Variants in CSMD3 observed in about 807,000 individuals in gnomAD.
The protein encoded by CSMD3 is CUB and Sushi multiple domains 3, also known as CUB and sushi domain-containing protein 3.
Under a neutral mutation model 435.2 loss-of-function variants are expected in CSMD3, and 177 were observed. The observed-to-expected ratio is 0.41, with a 90% CI of 0.36 to 0.46. The LOEUF (loss-of-function observed/expected upper bound fraction) is 0.46, where lower values mean the gene tolerates loss of function less well. CSMD3 is among the 20% of genes least tolerant of loss of function. The pLI is 0.34. For synonymous variants in CSMD3, 1,656 were observed against 1,520.5 expected (o/e 1.09, Z -2.07); for missense variants, 4,265 against 4,504.6 (o/e 0.95, Z 1.52).
chr8:112,434,706 G>C (rs1814119625), intron 32 of CSMD3, among the ~76,000 whole-genome samples: 1 of 151,982 alleles, frequency 6.6e-6, no homozygotes, highest in South Asian at 2.1e-4. Flanking sequence ...CCCTAGAAAG[G>C]AACCATCAAT....
At chr8:113,144,569 T>C (rs914365723) in intron 4 of CSMD3, among the ~76,000 whole-genome samples, 16 of 151,604 alleles carry the variant, frequency 1.1e-4, no homozygotes, top group African/African-American at 3.4e-4. Context: ...GTTAATTATG[T>C]TCATTATCCA....
chr8:113,346,709 G>C (rs750324296), intron 1 of CSMD3, among the ~76,000 whole-genome samples: 2 of 151,776 alleles, frequency 1.3e-5, no homozygotes, highest in Non-Finnish European at 2.9e-5. Flanking sequence ...AAATATCTGA[G>C]AGAAATACAC....
chr8:112,465,717 G>A (rs2130709526), intron 32 of CSMD3, among the ~76,000 whole-genome samples: 1 of 152,212 alleles, frequency 6.6e-6, no homozygotes, highest in Non-Finnish European at 1.5e-5. Flanking sequence ...GTTCACACAT[G>A]TAATCCCAGC....
chr8:112,880,081 A>G (rs898639898), intron 10 of CSMD3, among the ~76,000 whole-genome samples: 24 of 152,212 alleles, frequency 1.6e-4, no homozygotes, highest in African/African-American at 5.8e-4. Flanking sequence ...AAAAAATTAA[A>G]TATACCAAAA....
chr8:112,887,702 G>A (rs1187225271), intron 10 of CSMD3, among the ~76,000 whole-genome samples: 1 of 150,042 alleles, frequency 6.7e-6, no homozygotes, highest in Middle Eastern at 3.2e-3. Context: ...AAGAATAAAT[G>A]GTTGATTACT....
intron 2 of CSMD3, among the ~76,000 whole-genome samples, chr8:113,281,258 G>A (rs1391706911): frequency 4.0e-5 from 6 of 151,600 alleles, no homozygotes; most frequent in Non-Finnish European, 7.4e-5. Context: ...TAGTACTGTC[G>A]GTGGAGTGTT....
At chr8:112,344,903 T>C (rs1265256259) in intron 41 of CSMD3, among the ~76,000 whole-genome samples, 1 of 152,024 alleles carries the variant, frequency 6.6e-6, no homozygotes, top group Non-Finnish European at 1.5e-5. Flanking sequence ...GCAAAGAAAA[T>C]GGGATGAATT....
At chr8:112,239,305 A>T (rs1340658161) in intron 66 of CSMD3, among the ~76,000 whole-genome samples, 1 of 151,866 alleles carries the variant, frequency 6.6e-6, no homozygotes, top group African/African-American at 2.4e-5. Flanking sequence ...ATTCAGCTAA[A>T]CTTTTCCTTT....
At chr8:112,370,163 T>A (rs12676507) in intron 38 of CSMD3, among the ~76,000 whole-genome samples, 2 of 151,330 alleles carry the variant, frequency 1.3e-5, no homozygotes, top group African/African-American at 2.4e-5. Flanking sequence ...TACAAAGTGA[T>A]CATCTTCATC....
chr8:112,418,373 TA>T lies in CSMD3; in HGVS notation c.5396-9342del, dbSNP rs1378261750. On this transcript the variant is annotated intron_variant, in intron 32 of 70. Coordinates refer to ENST00000297405, the MANE Select transcript of CSMD3 (RefSeq NM_198123.2). ...ATATGAATATTTTAAGACAAAATAT[TA>T]GACATTTTCATGAATGCAAAATGCT... Among the ~76,000 whole-genome samples, 6 of 152,202 alleles carry T rather than the reference TA, an allele frequency of 3.9e-5. No homozygotes were observed. In the East Asian group the frequency reaches 5.8e-4, roughly 15 times the overall value.
chr8:113,262,441 A>G (rs539882876), intron 3 of CSMD3, among the ~76,000 whole-genome samples: 1 of 152,164 alleles, frequency 6.6e-6, no homozygotes, highest in East Asian at 1.9e-4. Context: ...TGGCTCCAAG[A>G]TTTCCACTCC....
intron 27 of CSMD3, among the ~76,000 whole-genome samples, chr8:112,518,743 C>T (rs567293797): frequency 1.3e-4 from 20 of 151,928 alleles, no homozygotes; most frequent in Middle Eastern, 3.4e-3. Context: ...AGTCTGTTAA[C>T]ACACTGCTAT....
At chr8:112,715,817 C>T (rs572739930) in intron 13 of CSMD3, among the ~76,000 whole-genome samples, 15 of 152,198 alleles carry the variant, frequency 9.9e-5, no homozygotes, top group South Asian at 8.3e-4. Context: ...TAACCAATGA[C>T]GAAAACCACA....
Position 112,995,900 on chromosome 8 carries a change from G to A in CSMD3, c.1031-19752C>T, listed in dbSNP as rs574533879. 8.3e-4 allele frequency among the ~76,000 whole-genome samples: 126 copies of A among 151,386 alleles called. 1 individual carries two copies. The highest frequency in any genetic ancestry group is 2.7e-3 in the African/African-American group (113 of 41,392). ...ATTCTGTCTCTCTGAAGGATTGTGCGGTTTAAGTTGCCCTTCTATCTTAGG... is the reference window on the plus strand; with the variant it reads ...ATTCTGTCTCTCTGAAGGATTGTGCAGTTTAAGTTGCCCTTCTATCTTAGG... On this transcript the variant is annotated intron_variant, in intron 6 of 70. Transcript: ENST00000297405.
At chr8:113,195,465 C>T (rs1260049221) in intron 3 of CSMD3, among the ~76,000 whole-genome samples, 1 of 150,526 alleles carries the variant, frequency 6.6e-6, no homozygotes, top group Non-Finnish European at 1.5e-5. Flanking sequence ...AGTAGGAATG[C>T]CAGAGAAAAT....
At chr8:112,656,080 A>G in intron 18 of CSMD3, 74 bp downstream of exon 18, 1 of 795,864 alleles carries the variant, frequency 1.3e-6, no homozygotes, top group Non-Finnish European at 2.2e-6. Context: ...TAATAGTTCC[A>G]TTAGTAAAAC....
rs578215203 is a variant in CSMD3, at chr8:113,382,981, AAAAT to A, written c.178+53692_178+53695del. ...GGGAAACAGAACAAGACTCTGTCTC[AAAAT>A]AAATAAATAAATAAAAGTAATAAAT... is the stretch of plus-strand genomic sequence containing the variant. On this transcript the variant is annotated intron_variant, in intron 1 of 70. Coordinates refer to ENST00000297405, the MANE Select transcript of CSMD3 (RefSeq NM_198123.2). 2.8e-3 allele frequency among the ~76,000 whole-genome samples: 431 copies of A among 152,248 alleles called. 6 individuals carry two copies. Among genetic ancestry groups the A allele is most frequent in the East Asian group, 0.01 (53 of 5,184 alleles).
chr8:113,382,640 G>A (rs1172955192), intron 1 of CSMD3, among the ~76,000 whole-genome samples: 1 of 152,106 alleles, frequency 6.6e-6, no homozygotes, highest in Non-Finnish European at 1.5e-5. Context: ...CATAAACTTT[G>A]TGATTCTATT....
intron 1 of CSMD3, among the ~76,000 whole-genome samples, chr8:113,404,829 G>A (rs1434942029): frequency 6.6e-6 from 1 of 151,358 alleles, no homozygotes; most frequent in Non-Finnish European, 1.5e-5. Context: ...ATTCAATTAA[G>A]AAATTATTTT....
Sources: allele counts gnomAD v4.1 joint callset (sites outside exome capture counted in the v4.1 genomes callset), GRCh38; gene constraint gnomAD v4.1.1; transcripts MANE v1.5; gene names NCBI Gene and HGNC (gene_info 2026-07-23, HGNC 2026-07-21).